The following TANC2 variants were observed in gnomAD, a reference collection of about 807,000 sequenced individuals.
The protein encoded by TANC2 is tetratricopeptide repeat, ankyrin repeat and coiled-coil containing 2.
TANC2 carries 26 observed loss-of-function variants against 210.5 expected under a neutral mutation model. That is an observed-to-expected ratio of 0.12 (90% confidence interval 0.09 to 0.17). TANC2 has a LOEUF of 0.17. Among genes scored for constraint, TANC2 ranks in the 10% least tolerant of loss-of-function variants. The probability of loss-of-function intolerance (pLI) is 1.00; values close to 1 mark genes in which losing one functional copy is unlikely to be tolerated. For synonymous variants in TANC2, 931 were observed against 967.1 expected, an observed-to-expected ratio of 0.96 and a Z score of 0.69; for missense variants, 2,129 against 2,608.9, an observed-to-expected ratio of 0.82 and a Z score of 4.01.
intron 17 of TANC2, among the ~76,000 whole-genome samples, chr17:63,393,746 G>A (rs2048055055): frequency 6.6e-6 from 1 of 151,278 alleles, no homozygotes; most frequent in African/African-American, 2.4e-5. Flanking sequence ...AGTGATTCTT[G>A]CTGCAGTAAG....
In TANC2 at chr17:62,966,536, G is replaced by C. The variant is rs2031342813; in HGVS notation, c.-237G>C. Among the ~76,000 whole-genome samples the C allele has an allele frequency of 6.7e-6, 1 of 150,168 alleles. No individual in the cohort carries two copies. The highest frequency in any genetic ancestry group is 1.5e-5 in the Non-Finnish European group (1 of 67,334). On this transcript the variant is annotated 5_prime_UTR_variant, in exon 1 of 28. Coordinates refer to ENST00000689528, the Ensembl canonical transcript of TANC2. This position sits in a 1 kb window ranked among gnomAD's most constrained non-coding sequence, Gnocchi z 5.1. ...AGCCGAGGGGCGAGAGCTGGCCCCC[G>C]AGCCGCCGCTGACAGGAGCACCGCC...
At chr17:63,086,468 G>A (rs929690867) in intron 3 of TANC2, among the ~76,000 whole-genome samples, 1 of 152,096 alleles carries the variant, frequency 6.6e-6, no homozygotes, top group Non-Finnish European at 1.5e-5. Flanking sequence ...GCCACGTCCA[G>A]TCTGCTAATG....
intron 5 of TANC2, among the ~76,000 whole-genome samples, chr17:63,160,888 AACCCCCCAT>A (rs1267728670): frequency 8.5e-5 from 13 of 152,156 alleles, no homozygotes; most frequent in Admixed American, 8.5e-4. Flanking sequence ...GTATCACTTT[AACCCCCCAT>A]GGTCATCCTC....
In TANC2 at chr17:63,411,604, A is replaced by G. The variant is rs531389009; in HGVS notation, c.3683A>G (p.Asp1228Gly). The G allele has an allele frequency of 4.1e-5, 66 of 1,613,844 alleles. No homozygotes were observed. In the Admixed American group the frequency reaches 1.0e-3, roughly 25 times the overall value. The change falls in exon 22 of 28, where the codon GAT becomes GGT. Residue 1228 changes from aspartate to glycine, a missense_variant. Coordinates refer to ENST00000689528, the Ensembl canonical transcript of TANC2. ...CTCTCAGTAGTACGTTCTCTGGTGG[A>G]TAACGGAGCTGCCACAGACCATGCT...
intron 2 of TANC2, among the ~76,000 whole-genome samples, chr17:63,047,009 A>C (rs914208101): frequency 2.0e-5 from 3 of 152,142 alleles, no homozygotes; most frequent in Non-Finnish European, 2.9e-5. Flanking sequence ...CTGTCTCTCT[A>C]TATAGGGAGT....
rs111452486 is a variant in TANC2 at position 63,314,824 on chromosome 17, C to T, written c.1441+155C>T. Among the ~76,000 whole-genome samples, 646 of 152,292 alleles carry T rather than the reference C, an allele frequency of 4.2e-3. 6 individuals carry two copies. Among genetic ancestry groups the T allele is most frequent in the African/African-American group, 0.014 (562 of 41,540 alleles). ...TTAGGTTGAGAGAAAGATTGTAATA[C>T]TCTATTTACATCTAACCCACATACC... On this transcript the variant is annotated intron_variant, in intron 10 of 27. Transcript: ENST00000689528.
chr17:63,328,411 C>T (rs1001036444), intron 11 of TANC2, among the ~76,000 whole-genome samples: 5 of 143,208 alleles, frequency 3.5e-5, no homozygotes, highest in African/African-American at 1.1e-4. Context: ...TGTGTGTATT[C>T]ATTGTGTGTG....
chr17:63,111,541 A>G (rs1215131446), intron 4 of TANC2, among the ~76,000 whole-genome samples: 3 of 151,998 alleles, frequency 2.0e-5, no homozygotes, highest in Non-Finnish European at 2.9e-5. Context: ...CGTGGACAAT[A>G]TTGTTAGATG....
chr17:63,405,401 T>C, intron 20 of TANC2, 146 bp downstream of exon 20: 9 of 864,984 alleles, frequency 1.0e-5, no homozygotes, highest in Non-Finnish European at 1.5e-5. Flanking sequence ...GTTATGAGTA[T>C]TCTGGTTAAT....
intron 8 of TANC2, among the ~76,000 whole-genome samples, chr17:63,263,683 A>C (rs2043436869): frequency 6.6e-6 from 1 of 152,236 alleles, no homozygotes; most frequent in African/African-American, 2.4e-5. Context: ...GATGCAGTAC[A>C]AAAGAAAGTC....
At chr17:63,206,868 TA>T (rs2041730237) in intron 7 of TANC2, among the ~76,000 whole-genome samples, 2 of 152,196 alleles carry the variant, frequency 1.3e-5, no homozygotes, top group Admixed American at 1.3e-4. Context: ...ATGGCTAAAA[TA>T]ATTTTATGTC....
intron 14 of TANC2, among the ~76,000 whole-genome samples, chr17:63,372,462 A>G (rs563908448): frequency 2.6e-5 from 4 of 152,334 alleles, no homozygotes; most frequent in African/African-American, 9.6e-5. Flanking sequence ...ACACACAATC[A>G]TCTTCCTATA....
At chr17:63,272,472 T>C (rs2043741775) in intron 9 of TANC2, among the ~76,000 whole-genome samples, 1 of 152,202 alleles carries the variant, frequency 6.6e-6, no homozygotes, top group African/African-American at 2.4e-5. Flanking sequence ...TTTAAAATAA[T>C]TTTTTCTGGT....
intron 5 of TANC2, among the ~76,000 whole-genome samples, chr17:63,166,825 C>G (rs974285851): frequency 2.0e-5 from 3 of 152,014 alleles, no homozygotes; most frequent in African/African-American, 7.2e-5. Flanking sequence ...GGAAAATGTT[C>G]GAGTTGTAAG....
chr17:63,134,671 C>T (rs971642574), intron 4 of TANC2, among the ~76,000 whole-genome samples: 12 of 152,120 alleles, frequency 7.9e-5, no homozygotes, highest in African/African-American at 2.7e-4. Context: ...CAGATTATGG[C>T]TCACATTTTA....
At chr17:63,376,931 C>T (rs1003278165) in intron 14 of TANC2, among the ~76,000 whole-genome samples, 4 of 151,884 alleles carry the variant, frequency 2.6e-5, no homozygotes, top group African/African-American at 9.7e-5. Context: ...CATTCTCCTG[C>T]CTCAGTCTCC....
intron 2 of TANC2, among the ~76,000 whole-genome samples, chr17:63,031,474 AT>A (rs1270181598): frequency 6.6e-6 from 1 of 152,130 alleles, no homozygotes; most frequent in Admixed American, 6.6e-5. Context: ...TAGCTCTGGT[AT>A]TATTCATATA....
At chr17:63,233,392 A>T (rs1422360704) in intron 7 of TANC2, among the ~76,000 whole-genome samples, 1 of 152,206 alleles carries the variant, frequency 6.6e-6, no homozygotes, top group Non-Finnish European at 1.5e-5. Context: ...GCACAGATCC[A>T]TGGAAAAACC....
intron 7 of TANC2, among the ~76,000 whole-genome samples, chr17:63,218,286 T>A (rs929624750): frequency 2.0e-5 from 3 of 150,926 alleles, no homozygotes; most frequent in African/African-American, 2.4e-5. Flanking sequence ...AAAAAAAAAA[T>A]CGACAAAAAG....
Sources: allele counts gnomAD v4.1 joint callset (sites outside exome capture counted in the v4.1 genomes callset), GRCh38; gene constraint gnomAD v4.1.1; non-coding constraint Gnocchi (gnomAD v3.1); transcripts MANE v1.5; gene names NCBI Gene and HGNC (gene_info 2026-07-23, HGNC 2026-07-21).